The following KCTD17 variants were observed in gnomAD, a reference collection of about 807,000 sequenced individuals.
KCTD17 encodes the protein BTB/POZ domain-containing protein KCTD17.
In KCTD17, 20 loss-of-function variants were observed where a neutral mutation model predicts 41.5. The ratio of observed to expected loss-of-function variants is 0.48; its 90% CI spans 0.34 to 0.70. The LOEUF (loss-of-function observed/expected upper bound fraction) is 0.70. Among genes scored for constraint, KCTD17 ranks in the 30% least tolerant of loss-of-function variants. The pLI is 0.01. For synonymous variants in KCTD17, 156 were observed against 173.8 expected (o/e 0.90, Z 0.80); for missense variants, 317 against 427.2 (o/e 0.74, Z 2.27).
chr22:37,054,507 A>C (rs1168584094), intron 2 of KCTD17, among the ~76,000 whole-genome samples: 1 of 151,376 alleles, frequency 6.6e-6, no homozygotes, highest in Non-Finnish European at 1.5e-5. Flanking sequence ...GGGATCACGC[A>C]GGGCTATCCG....
rs778378883 is a variant in KCTD17 at position 37,061,155 on chromosome 22, C to T, written c.764C>T (p.Pro255Leu). The T allele has an allele frequency of 3.9e-6, 6 of 1,551,138 alleles. No homozygotes were observed. The South Asian group carries it at 7.1e-5, about 18-fold the overall frequency. ...ANLFSLPPLP[P>L]PPLPAGGSRP... ...CTTTTCTCCCTCCCACCACTGCCTC[C>T]TCCTCCGCTTCCCGCTGGAGGTCCT... is the stretch of plus-strand genomic sequence containing the variant. The change falls in exon 7 of 9, where the codon CCT (proline) becomes CTT (leucine). Residue 255 changes from proline (P) to leucine (L), a missense_variant. By Grantham distance (98) the Pro-to-Leu change is moderately conservative. This residue lies in a region of KCTD17 where 177 missense variants were observed against 194.4 expected (regional missense o/e 0.91). Coordinates refer to ENST00000403888, the MANE Select transcript of KCTD17 (RefSeq NM_001282684.2). This position sits in a 1 kb window ranked among gnomAD's most constrained non-coding sequence, Gnocchi z 6.6.
chr22:37,057,269 C>T, intron 3 of KCTD17, 129 bp from the exon 4 acceptor site: 1 of 756,100 alleles, frequency 1.3e-6, no homozygotes, highest in Non-Finnish European at 2.4e-6. Context: ...TCCCCCCAAC[C>T]ACCTCTTCTT....
chr22:37,061,643 C>T lies in KCTD17; in HGVS notation c.875+14C>T, dbSNP rs754430753. 3.0e-5 allele frequency: 48 copies of T among 1,589,660 alleles called. No homozygotes were observed. The highest frequency in any genetic ancestry group is 3.8e-5 in the Non-Finnish European group (45 of 1,175,058). ...CTGCCATCCCTGGTTTGTAGCTTGG[C>T]GGTGCTGGAGGGAGGGGTGGAGCGA... On this transcript the variant is annotated intron_variant, in intron 8 of 8. Coordinates refer to ENST00000403888, the MANE Select transcript of KCTD17 (RefSeq NM_001282684.2). The surrounding 1 kb of genome is among the most constrained non-coding windows in gnomAD (Gnocchi z 6.6).
At position 37,054,775 on chromosome 22, in the gene KCTD17, G is replaced by A. The variant is rs557054645; in HGVS notation, c.299-1545G>A. Among the ~76,000 whole-genome samples, 7 of 152,266 alleles carry A rather than the reference G, an allele frequency of 4.6e-5. No homozygotes were observed. The South Asian group carries it at 1.0e-3, about 23-fold the overall frequency. ...AGCTGTCTGTCACCTGCAGGGCTCC[G>A]CCCAGGGCACTGGGGATAATTCTCG... is the stretch of plus-strand genomic sequence containing the variant. On this transcript the variant is annotated intron_variant, in intron 2 of 8. Coordinates refer to ENST00000403888, the MANE Select transcript of KCTD17 (RefSeq NM_001282684.2).
intron 1 of KCTD17, 25 bp downstream of exon 1, chr22:37,051,974 AG>A: frequency 7.0e-7 from 1 of 1,419,842 alleles, no homozygotes; most frequent in Non-Finnish European, 9.2e-7. Context: ...GTGGGCGGCG[AG>A]CGGGCGGTGG....
rs1925946512 is a variant in KCTD17, at chr22:37,062,751, G to A, written c.*157G>A. ...CTGGGACCTCTTAAGGCCCAAGGTG[G>A]GCCCCAGGACCTCTGGGCAGAGTGG... On this transcript the variant is annotated 3_prime_UTR_variant, in exon 9 of 9. Coordinates refer to ENST00000403888, the MANE Select transcript of KCTD17 (RefSeq NM_001282684.2). The A allele has an allele frequency of 6.9e-7, 1 of 1,448,444 alleles. No homozygotes were observed. The highest frequency in any genetic ancestry group is 2.6e-5 in the Admixed American group (1 of 38,052). The allele number at this position is 1,448,444 out of a possible 1,614,324, so 89.7% of individuals were successfully genotyped here. A position where few individuals can be genotyped will look rare whatever the true frequency, so the allele number is the denominator to read the frequency against.
Position 37,062,782 on chromosome 22 carries a change from T to A in KCTD17, c.*188T>A. On this transcript the variant is annotated 3_prime_UTR_variant, in exon 9 of 9. Coordinates refer to ENST00000403888, the MANE Select transcript of KCTD17 (RefSeq NM_001282684.2). ...AGGACCTCTGGGCAGAGTGGACTGCTCATGGCAGATGTGTGGCAATGTCTG... is the reference window on the plus strand; with the variant it reads ...AGGACCTCTGGGCAGAGTGGACTGCACATGGCAGATGTGTGGCAATGTCTG... 1 of 1,289,770 alleles carries A rather than the reference T, an allele frequency of 7.8e-7. No individual in the cohort carries two copies. 79.9% of individuals were successfully genotyped at this position (1,289,770 alleles called of 1,614,324 possible).
chr22:37,051,778 G>A lies in KCTD17; in HGVS notation c.18G>A (p.Gly6=). 1.6e-6 allele frequency: 2 copies of A among 1,248,200 alleles called. No individual in the cohort carries two copies. The highest frequency in any genetic ancestry group is 3.2e-5 in the South Asian group (1 of 31,442). The allele number at this position is 1,248,200 out of a possible 1,614,324, so 77.3% of individuals were successfully genotyped here. A position where few individuals can be genotyped will look rare whatever the true frequency, so the allele number is the denominator to read the frequency against. Residue 6 remains glycine, a synonymous_variant, in exon 1 of 9, where the codon GGG becomes GGA. Transcript: ENST00000403888. ...GGCCGGCGATGAGGATGGAGGCCGG[G>A]GAGGCAGCGCCGCCGGCGGGGGCGG... MRMEA[G]EAAPPAGAGG...
At chr22:37,059,608 AC>A in intron 5 of KCTD17, 170 bp downstream of exon 5, 1 of 777,720 alleles carries the variant, frequency 1.3e-6, no homozygotes, top group Non-Finnish European at 2.0e-6. Context: ...ACCTGCCGTT[AC>A]CCAGGCCCAG....
rs58201239 is a variant in KCTD17, at chr22:37,061,830, G to GC, written c.875+203dup. ...TTCCTACCAGCCCATCAGCACCAGA[G>GC]CCAGGCTGGTGGGGAGGGAGGGACC... is the stretch of plus-strand genomic sequence containing the variant. On this transcript the variant is annotated intron_variant, in intron 8 of 8. Transcript: ENST00000403888. This position sits in a 1 kb window ranked among gnomAD's most constrained non-coding sequence, Gnocchi z 6.6. The GC allele has an allele frequency of 3.7e-3, 3,635 of 985,412 alleles. 87 individuals carry two copies. In the African/African-American group the frequency reaches 0.059, roughly 16 times the overall value. The allele number at this position is 985,412 out of a possible 1,614,324, so 61.0% of individuals were successfully genotyped here.
intron 1 of KCTD17, chr22:37,052,202 C>T (rs1430486657): frequency 4.2e-6 from 2 of 472,100 alleles, no homozygotes; most frequent in Admixed American, 3.8e-5. Context: ...CGGATCGGGG[C>T]CTCTCCTTCT....
intron 5 of KCTD17, among the ~76,000 whole-genome samples, chr22:37,060,168 A>G (rs1237201906): frequency 6.6e-6 from 1 of 152,168 alleles, no homozygotes; most frequent in Admixed American, 6.5e-5. Flanking sequence ...GCCACAGAGC[A>G]GGCGTGAACC....
Position 37,061,696 on chromosome 22 carries a change from A to G in KCTD17, c.875+67A>G. On this transcript the variant is annotated intron_variant, in intron 8 of 8. Transcript: ENST00000403888. The surrounding 1 kb of genome is among the most constrained non-coding windows in gnomAD (Gnocchi z 6.6). ...AGGGTGCTCATCTCTTGATCCTTGG[A>G]CTTGAGCCGAGCTTTCGGCTGATTA... 6.6e-7 allele frequency: 1 copy of G among 1,517,414 alleles called. No homozygotes were observed. Among genetic ancestry groups the G allele is most frequent in the Non-Finnish European group, 8.8e-7 (1 of 1,131,608 alleles). The allele number at this position is 1,517,414 out of a possible 1,614,324, so 94.0% of individuals were successfully genotyped here.
chr22:37,052,176 A>C, intron 1 of KCTD17: 1 of 547,032 alleles, frequency 1.8e-6, no homozygotes, highest in Non-Finnish European at 3.0e-6. Context: ...GGCCATTAGA[A>C]GCTCTCCAGC....
chr22:37,056,236 G>C, intron 2 of KCTD17, 84 bp from the exon 3 acceptor site: 1 of 1,179,934 alleles, frequency 8.5e-7, no homozygotes, highest in South Asian at 1.4e-5. Flanking sequence ...AGAGCGAGAG[G>C]TGGGTTTCGG....
chr22:37,059,477 C>T, intron 5 of KCTD17, 39 bp downstream of exon 5: 1 of 1,575,434 alleles, frequency 6.3e-7, no homozygotes, highest in East Asian at 2.2e-5. Context: ...GGAGAAGTCT[C>T]CTGTCTCCCT....
rs1925767387 is a variant in KCTD17 at position 37,061,409 on chromosome 22, G to A, written c.785-130G>A. Reference sequence around the variant, plus strand: ...GGTACCTCCTGCCTCCCAGCCTGGGGAGGAGGGGCGCAGCTGCACCTCCTC... The same window carrying A: ...GGTACCTCCTGCCTCCCAGCCTGGGAAGGAGGGGCGCAGCTGCACCTCCTC... On this transcript the variant is annotated intron_variant, in intron 7 of 8. Transcript: ENST00000403888. This position sits in a 1 kb window ranked among gnomAD's most constrained non-coding sequence, Gnocchi z 6.6. 6.8e-7 allele frequency: 1 copy of A among 1,475,264 alleles called. No individual in the cohort carries two copies. The highest frequency in any genetic ancestry group is 2.2e-5 in the Admixed American group (1 of 44,932). The allele number at this position is 1,475,264 out of a possible 1,614,324, so 91.4% of individuals were successfully genotyped here. A position where few individuals can be genotyped will look rare whatever the true frequency, so the allele number is the denominator to read the frequency against.
chr22:37,052,371 C>A (rs1924594838), intron 1 of KCTD17: 4 of 379,938 alleles, frequency 1.1e-5, no homozygotes, highest in Non-Finnish European at 2.1e-5. Flanking sequence ...AGCCCTGGGG[C>A]GCCTTCTGAG....
At chr22:37,052,673 C>T (rs1351144688) in intron 1 of KCTD17, 1 of 470,122 alleles carries the variant, frequency 2.1e-6, no homozygotes, top group South Asian at 1.5e-5. Flanking sequence ...CCTGCCCGCC[C>T]GAGTGTCCAG....
Sources: gnomAD v4.1 joint callset for allele counts (sites outside exome capture counted in the v4.1 genomes callset) on GRCh38, gnomAD v4.1.1 for gene constraint, gnomAD v4.1.1 regional missense constraint, Gnocchi (gnomAD v3.1) non-coding constraint, MANE v1.5 for transcripts, NCBI Gene and HGNC (gene_info 2026-07-23, HGNC 2026-07-21) for gene names.